Variants in SND1 observed in about 807,000 individuals in gnomAD.
SND1 encodes the protein staphylococcal nuclease and tudor domain containing 1.
SND1 carries 38 observed loss-of-function variants against 121.7 expected under a neutral mutation model. The observed-to-expected ratio is 0.31, with a 90% confidence interval of 0.24 to 0.41. SND1 has a LOEUF of 0.41. Among genes scored for constraint, SND1 ranks in the 10% least tolerant of loss-of-function variants. The pLI, the probability that SND1 is intolerant of heterozygous loss-of-function variation, is 1.00. For missense variants in SND1, 868 were observed against 1,184.6 expected (o/e 0.73, Z 3.92); for synonymous variants, 401 against 447.4 (o/e 0.90, Z 1.31).
chr7:127,680,466 G>T (rs1415278032), intron 1 of SND1, among the ~76,000 whole-genome samples: 1 of 151,986 alleles, frequency 6.6e-6, no homozygotes, highest in Non-Finnish European at 1.5e-5. Flanking sequence ...TACCCAAGGG[G>T]GCCATTTTAG....
intron 1 of SND1, among the ~76,000 whole-genome samples, chr7:127,672,398 T>G (rs1017328189): frequency 1.3e-5 from 2 of 151,788 alleles, no homozygotes; most frequent in African/African-American, 4.8e-5. Context: ...TTACTTGAGG[T>G]CAGGAGTTCG....
At chr7:127,895,065 T>C (rs565177106) in intron 13 of SND1, among the ~76,000 whole-genome samples, 1 of 152,194 alleles carries the variant, frequency 6.6e-6, no homozygotes, top group South Asian at 2.1e-4. Flanking sequence ...TTTTATGCCA[T>C]CTCTCATTTC....
chr7:128,092,244 C>A lies in SND1; in HGVS notation c.*186C>A. On this transcript the variant is annotated 3_prime_UTR_variant, in exon 24 of 24. Coordinates refer to ENST00000354725, the MANE Select transcript of SND1 (RefSeq NM_014390.4). This position sits in a 1 kb window ranked among gnomAD's most constrained non-coding sequence, Gnocchi z 4.9. The stretch of plus-strand genomic sequence containing the variant: ...GTGGGGACCCCAAGGCTTTCTGGGG[C>A]AGACCCTTGTCCTCTGGGATGATGG... 1 of 615,868 alleles carries A rather than the reference C, an allele frequency of 1.6e-6. No homozygotes were observed. The highest frequency in any genetic ancestry group is 2.8e-5 in the East Asian group (1 of 36,294). 38.2% of individuals were successfully genotyped at this position (615,868 alleles called of 1,614,324 possible).
chr7:127,939,725 T>G (rs1445504622), intron 15 of SND1, among the ~76,000 whole-genome samples: 1 of 152,102 alleles, frequency 6.6e-6, no homozygotes, highest in Non-Finnish European at 1.5e-5. Flanking sequence ...GCCTCCTGAT[T>G]GGGGTGTTCA....
intron 14 of SND1, among the ~76,000 whole-genome samples, chr7:127,910,508 AAGG>A: frequency 6.6e-6 from 1 of 152,216 alleles, no homozygotes; most frequent in Middle Eastern, 3.4e-3. Context: ...AAGAAGGTAA[AAGG>A]AGCAAAATCA....
Position 127,990,927 on chromosome 7 carries a change from C to A in SND1, c.1670-20C>A. 1 of 1,590,722 alleles carries A rather than the reference C, an allele frequency of 6.3e-7. No individual in the cohort carries two copies. The highest frequency in any genetic ancestry group is 8.6e-7 in the Non-Finnish European group (1 of 1,161,870). On this transcript the variant is annotated intron_variant, in intron 15 of 23. Coordinates refer to ENST00000354725, the MANE Select transcript of SND1 (RefSeq NM_014390.4). Reference sequence around the variant, plus strand: ...AGTGGGCACCTTTTCATCACAGATTCTACTTTTCTCCTGACACAGGCATTG... The same window carrying A: ...AGTGGGCACCTTTTCATCACAGATTATACTTTTCTCCTGACACAGGCATTG...
intron 22 of SND1, among the ~76,000 whole-genome samples, chr7:128,090,172 G>A (rs545854725): frequency 6.6e-6 from 1 of 152,308 alleles, no homozygotes; most frequent in African/African-American, 2.4e-5. Context: ...TGGACTTGGA[G>A]TCCTGCCTCC....
chr7:127,785,590 G>A (rs947863304), intron 10 of SND1, among the ~76,000 whole-genome samples: 7 of 152,154 alleles, frequency 4.6e-5, no homozygotes, highest in Admixed American at 6.5e-5. Context: ...CTAGATGTTC[G>A]ATAGTCATGA....
At chr7:127,898,738 G>C (rs1800166885) in intron 13 of SND1, among the ~76,000 whole-genome samples, 1 of 152,112 alleles carries the variant, frequency 6.6e-6, no homozygotes. Context: ...CCTGCTACTT[G>C]GTTCTGTTTT....
intron 3 of SND1, among the ~76,000 whole-genome samples, chr7:127,698,323 C>G (rs1414206543): frequency 6.6e-6 from 1 of 152,170 alleles, no homozygotes; most frequent in Non-Finnish European, 1.5e-5. Flanking sequence ...TCTCTCTGAT[C>G]GTACACGGTG....
intron 15 of SND1, among the ~76,000 whole-genome samples, chr7:127,933,162 C>T (rs1386401930): frequency 3.3e-5 from 5 of 152,152 alleles, no homozygotes; most frequent in East Asian, 3.9e-4. Flanking sequence ...TGAATGGAGC[C>T]GGCTCAGAGC....
At chr7:127,698,600 A>G (rs1796048589) in intron 3 of SND1, among the ~76,000 whole-genome samples, 1 of 152,126 alleles carries the variant, frequency 6.6e-6, no homozygotes, top group African/African-American at 2.4e-5. Context: ...TCCGTCTCCC[A>G]TGGTTCCTGA....
At chr7:127,764,056 A>AAAAAAAAAAAAAC (rs1554422863) in intron 10 of SND1, among the ~76,000 whole-genome samples, 14 of 135,212 alleles carry the variant, frequency 1.0e-4, no homozygotes, top group East Asian at 2.0e-4. Flanking sequence ...AAAAAAACAA[A>AAAAAAAAAAAAAC]AAAACAAAAA....
intron 11 of SND1, among the ~76,000 whole-genome samples, chr7:127,830,215 T>G (rs1011245226): frequency 6.6e-6 from 1 of 152,042 alleles, no homozygotes; most frequent in Non-Finnish European, 1.5e-5. Context: ...AAACCCCATC[T>G]CTACTAAAAA....
chr7:127,920,354 T>C (rs1272376803), intron 14 of SND1, among the ~76,000 whole-genome samples: 1 of 152,130 alleles, frequency 6.6e-6, no homozygotes, highest in Non-Finnish European at 1.5e-5. Context: ...GTGAAAAGAA[T>C]TGCCAGAGTC....
At position 127,857,037 on chromosome 7, in the gene SND1, C is replaced by T. The variant is rs1799288441; in HGVS notation, c.1343+12613C>T. Among the ~76,000 whole-genome samples, 3 of 151,994 alleles carry T rather than the reference C, an allele frequency of 2.0e-5. No individual in the cohort carries two copies. The South Asian group carries it at 6.2e-4, about 32-fold the overall frequency. ...CTTACTGTCTTTCAAAGCAAGAAACCAAAAATACCCCTTCCTTTCCAAAGA... is the reference window on the plus strand; with the variant it reads ...CTTACTGTCTTTCAAAGCAAGAAACTAAAAATACCCCTTCCTTTCCAAAGA... On this transcript the variant is annotated intron_variant, in intron 12 of 23. Transcript: ENST00000354725.
chr7:127,748,353 C>T (rs1797017596), intron 10 of SND1, among the ~76,000 whole-genome samples: 1 of 152,208 alleles, frequency 6.6e-6, no homozygotes, highest in African/African-American at 2.4e-5. Context: ...AGAACACGCT[C>T]ATCCCCCTTT....
chr7:127,795,447 A>G (rs1240152407), intron 10 of SND1, among the ~76,000 whole-genome samples: 2 of 152,178 alleles, frequency 1.3e-5, no homozygotes, highest in Non-Finnish European at 2.9e-5. Context: ...TTTATATGGT[A>G]GTTTACTATC....
chr7:127,970,603 A>C (rs1280409952), intron 15 of SND1, among the ~76,000 whole-genome samples: 1 of 152,192 alleles, frequency 6.6e-6, no homozygotes, highest in Non-Finnish European at 1.5e-5. Flanking sequence ...AGTCAAACAC[A>C]TATTTTCTAG....
Sources: gnomAD v4.1 joint callset for allele counts (sites outside exome capture counted in the v4.1 genomes callset) on GRCh38, gnomAD v4.1.1 for gene constraint, Gnocchi (gnomAD v3.1) non-coding constraint, MANE v1.5 for transcripts, NCBI Gene and HGNC (gene_info 2026-07-23, HGNC 2026-07-21) for gene names.